ZNF106: variants seen among roughly 807,000 people sequenced by gnomAD.
The protein encoded by ZNF106 is SH3-domain binding protein 3.
ZNF106 carries 67 observed loss-of-function variants against 195.1 expected under a neutral mutation model. That is an observed-to-expected ratio of 0.34 (90% CI 0.28 to 0.42). The LOEUF (loss-of-function observed/expected upper bound fraction) is 0.42, where lower values mean the gene tolerates loss of function less well. Ranked by LOEUF, ZNF106 falls within the 10% of genes least tolerant of loss-of-function variation. The probability of loss-of-function intolerance (pLI) is 1.00; values close to 1 mark genes in which losing one functional copy is unlikely to be tolerated. For synonymous variants in ZNF106, 784 were observed against 818.6 expected (o/e 0.96, Z 0.72); for missense variants, 2,118 against 2,304.5 (o/e 0.92, Z 1.66).
At chr15:42,477,783 G>A (rs909983148) in intron 1 of ZNF106, among the ~76,000 whole-genome samples, 6 of 151,972 alleles carry the variant, frequency 3.9e-5, no homozygotes, top group Admixed American at 3.3e-4. Flanking sequence ...CCAGCTACTC[G>A]GGAGGCTGAG....
At chr15:42,474,518 G>T (rs1031849170) in intron 1 of ZNF106, among the ~76,000 whole-genome samples, 3 of 152,110 alleles carry the variant, frequency 2.0e-5, no homozygotes, top group Non-Finnish European at 4.4e-5. Context: ...CAGCACCTTG[G>T]GAGGCTGAGG....
At chr15:42,430,366 G>A (rs1595442090) in intron 14 of ZNF106, among the ~76,000 whole-genome samples, 1 of 151,806 alleles carries the variant, frequency 6.6e-6, no homozygotes, top group East Asian at 1.9e-4. Context: ...GTCAATGTAT[G>A]TTTAGGGATT....
chr15:42,445,075 A>C (rs1195329336), intron 7 of ZNF106, 94 bp from the exon 8 acceptor site: 1 of 1,430,746 alleles, frequency 7.0e-7, no homozygotes. Flanking sequence ...TATTTAGGAT[A>C]AGACTTTATG....
rs367639917 is a variant in ZNF106 at position 42,468,407 on chromosome 15, T to C, written c.55-2293A>G. Among the ~76,000 whole-genome samples the C allele has an allele frequency of 2.6e-4, 40 of 152,078 alleles. No homozygotes were observed. In the East Asian group the frequency reaches 2.9e-3, roughly 11 times the overall value. On this transcript the variant is annotated intron_variant, in intron 2 of 21. Coordinates refer to ENST00000564754, the MANE Select transcript of ZNF106 (RefSeq NM_001366845.3). ...CACTTCTTTTAAATGGCAATTTTAC[T>C]GAAGATTACCATCGTTTCCTTCCTA...
intron 14 of ZNF106, among the ~76,000 whole-genome samples, chr15:42,428,651 C>T (rs942599681): frequency 1.3e-5 from 2 of 152,242 alleles, no homozygotes; most frequent in African/African-American, 2.4e-5. Context: ...CAAGCTCCAA[C>T]CCCATCCCTG....
chr15:42,482,556 T>G, intron 1 of ZNF106, among the ~76,000 whole-genome samples: 1 of 125,858 alleles, frequency 7.9e-6, no homozygotes, highest in African/African-American at 3.3e-5. Flanking sequence ...TGAGATGGAG[T>G]CTCACTCTGT....
At chr15:42,464,035 A>G (rs550649971) in intron 3 of ZNF106, among the ~76,000 whole-genome samples, 124 of 150,146 alleles carry the variant, frequency 8.3e-4, no homozygotes, top group African/African-American at 2.9e-3. Flanking sequence ...CTAGGTTGAC[A>G]TCCTGATCAA....
chr15:42,430,934 T>C (rs145007671), intron 14 of ZNF106, among the ~76,000 whole-genome samples: 2 of 152,132 alleles, frequency 1.3e-5, no homozygotes, highest in East Asian at 3.9e-4. Flanking sequence ...CATGAGCCAC[T>C]GTGCCCAGCC....
At chr15:42,438,329 T>C (rs2055364117) in intron 12 of ZNF106, among the ~76,000 whole-genome samples, 1 of 152,204 alleles carries the variant, frequency 6.6e-6, no homozygotes, top group Non-Finnish European at 1.5e-5. Context: ...AGGTGGAAGT[T>C]GCAGTGAGTA....
At chr15:42,441,945 T>C in intron 10 of ZNF106, 128 bp downstream of exon 10, 1 of 652,036 alleles carries the variant, frequency 1.5e-6, no homozygotes, top group Non-Finnish European at 2.6e-6. Context: ...ATGAAGAGAA[T>C]TCCAGTGACA....
In ZNF106 at chr15:42,466,108, C is replaced by A. The variant is rs984569385; in HGVS notation, c.61G>T (p.Asp21Tyr). 2.4e-5 allele frequency: 36 copies of A among 1,531,468 alleles called. No individual in the cohort carries two copies. Among genetic ancestry groups the A allele is most frequent in the Admixed American group, 4.0e-5 (2 of 50,340 alleles). The allele number at this position is 1,531,468 out of a possible 1,614,324, so 94.9% of individuals were successfully genotyped here. ...HIVYSSKKEM[D>Y]EHMRSMLHHR... ...TGCAACATGCTCCGCATGTGTTCGT[C>A]CATCTCCTTCAAAATAAAAGAAAGT... Residue 21 changes from aspartate (D) to tyrosine (Y), a missense_variant, in exon 3 of 22, where the codon GAC (aspartate) becomes TAC (tyrosine). Asp to Tyr is a radical substitution (Grantham distance 160, BLOSUM62 -3). Coordinates refer to ENST00000564754, the MANE Select transcript of ZNF106 (RefSeq NM_001366845.3).
chr15:42,458,190 G>T (rs1315349232), intron 3 of ZNF106, among the ~76,000 whole-genome samples: 2 of 151,702 alleles, frequency 1.3e-5, no homozygotes, highest in Admixed American at 1.3e-4. Context: ...CACTTCCTAT[G>T]CCAATCTATT....
intron 1 of ZNF106, among the ~76,000 whole-genome samples, chr15:42,488,621 T>C (rs2057067951): frequency 6.6e-6 from 1 of 152,158 alleles, no homozygotes; most frequent in Non-Finnish European, 1.5e-5. Flanking sequence ...ACACAATACA[T>C]AGACTTCTCA....
rs747884846 is a variant in ZNF106, at chr15:42,442,426, A to AACAT, written c.3422-16_3422-13dup. The AACAT allele has an allele frequency of 3.8e-6, 6 of 1,595,046 alleles. No homozygotes were observed. Among genetic ancestry groups the AACAT allele is most frequent in the East Asian group, 2.2e-5 (1 of 44,592 alleles). The stretch of plus-strand genomic sequence containing the variant: ...AGGTTCATATGTTTCTAGAATGGGA[A>AACAT]ACATACATACATAGAAATGCAAAAA... On this transcript the variant is annotated splice_polypyrimidine_tract_variant and intron_variant, in intron 9 of 21. Coordinates refer to ENST00000564754, the MANE Select transcript of ZNF106 (RefSeq NM_001366845.3).
At chr15:42,433,650 T>C (rs2141295857) in intron 14 of ZNF106, among the ~76,000 whole-genome samples, 1 of 151,528 alleles carries the variant, frequency 6.6e-6, no homozygotes, top group African/African-American at 2.4e-5. Context: ...ACCCGACTAA[T>C]TTTCATATTT....
chr15:42,485,543 C>T (rs567065175), intron 1 of ZNF106, among the ~76,000 whole-genome samples: 9 of 152,194 alleles, frequency 5.9e-5, no homozygotes, highest in South Asian at 2.1e-4. Flanking sequence ...GATAGGTGAA[C>T]AGGGTGTCTA....
At chr15:42,468,850 C>G (rs1488992700) in intron 2 of ZNF106, among the ~76,000 whole-genome samples, 1 of 152,054 alleles carries the variant, frequency 6.6e-6, no homozygotes, top group Non-Finnish European at 1.5e-5. Context: ...GACCTGAAAA[C>G]TAAGACAAGT....
chr15:42,444,457 A>G (rs936056445), intron 8 of ZNF106, among the ~76,000 whole-genome samples, 195 bp from the exon 9 acceptor site: 1 of 152,198 alleles, frequency 6.6e-6, no homozygotes, highest in Admixed American at 6.5e-5. Context: ...TGATAAAAGT[A>G]TCTAGGTTGT....
At chr15:42,436,993 G>A (rs1488591170) in intron 13 of ZNF106, among the ~76,000 whole-genome samples, 1 of 152,216 alleles carries the variant, frequency 6.6e-6, no homozygotes. Context: ...TACCCTGTAA[G>A]CAGGAGGGGA....
Sources: gnomAD v4.1 joint callset for allele counts (sites outside exome capture counted in the v4.1 genomes callset) on GRCh38, gnomAD v4.1.1 for gene constraint, MANE v1.5 for transcripts, NCBI Gene and HGNC (gene_info 2026-07-23, HGNC 2026-07-21) for gene names.